KLRD1: variants seen among roughly 807,000 people sequenced by gnomAD.
KLRD1 encodes the protein natural killer cells antigen CD94.
In KLRD1, 21 loss-of-function variants were observed where a neutral mutation model predicts 22.6. The ratio of observed to expected loss-of-function variants is 0.93; its 90% CI spans 0.66 to 1.34. KLRD1 has a LOEUF of 1.34. KLRD1 is among the 40% of genes most tolerant of loss of function. The pLI, the probability that KLRD1 is intolerant of heterozygous loss-of-function variation, is 0.00. For missense variants in KLRD1, 183 were observed against 208.6 expected, an observed-to-expected ratio of 0.88 and a Z score of 0.76; for synonymous variants, 59 against 71.1, an observed-to-expected ratio of 0.83 and a Z score of 0.85.
At chr12:10,311,049 T>A (rs1950055761) in intron 3 of KLRD1, among the ~76,000 whole-genome samples, 1 of 152,172 alleles carries the variant, frequency 6.6e-6, no homozygotes, top group African/African-American at 2.4e-5. Context: ...TGCTAAAATG[T>A]TTTCCTCCTT....
chr12:10,267,505 CTG>C (rs1949511267), intron 1 of KLRD1, among the ~76,000 whole-genome samples: 3 of 152,130 alleles, frequency 2.0e-5, no homozygotes, highest in Non-Finnish European at 2.9e-5. Context: ...GACAAAGGCT[CTG>C]TTCTCATGAA....
At chr12:10,239,941 T>G (rs113607694) in intron 1 of KLRD1, among the ~76,000 whole-genome samples, 1 of 152,044 alleles carries the variant, frequency 6.6e-6, no homozygotes, top group African/African-American at 2.4e-5. Context: ...TTTTTCTCTT[T>G]CTTAAAACAT....
intron 4 of KLRD1, among the ~76,000 whole-genome samples, chr12:10,312,738 C>G (rs894258304): frequency 6.6e-6 from 1 of 151,192 alleles, no homozygotes; most frequent in East Asian, 2.0e-4. Flanking sequence ...ACCTGTAATC[C>G]CAGCACTTTG....
intron 1 of KLRD1, among the ~76,000 whole-genome samples, chr12:10,267,503 C>T (rs1339348593): frequency 6.6e-6 from 1 of 152,050 alleles, no homozygotes; most frequent in Non-Finnish European, 1.5e-5. Context: ...AAGACAAAGG[C>T]TCTGTTCTCA....
At chr12:10,247,579 C>T (rs1187113638) in intron 1 of KLRD1, among the ~76,000 whole-genome samples, 1 of 151,968 alleles carries the variant, frequency 6.6e-6, no homozygotes, top group Admixed American at 6.6e-5. Flanking sequence ...TTTCTTTAAT[C>T]TAATTTAGTG....
At chr12:10,253,509 A>G (rs1321369305) in intron 1 of KLRD1, among the ~76,000 whole-genome samples, 1 of 151,986 alleles carries the variant, frequency 6.6e-6, no homozygotes, top group Non-Finnish European at 1.5e-5. Context: ...AGATTATTTC[A>G]TCACTCAGGC....
At chr12:10,244,352 C>G (rs2137612088) in intron 1 of KLRD1, among the ~76,000 whole-genome samples, 1 of 152,264 alleles carries the variant, frequency 6.6e-6, no homozygotes, top group East Asian at 1.9e-4. Context: ...GGCTCAAGGA[C>G]TCACAAACTA....
At chr12:10,249,975 G>A (rs189243968) in intron 1 of KLRD1, among the ~76,000 whole-genome samples, 1 of 152,236 alleles carries the variant, frequency 6.6e-6, no homozygotes, top group Admixed American at 6.5e-5. Flanking sequence ...ACAAAGTGAG[G>A]AGTATAGTAG....
intron 1 of KLRD1, among the ~76,000 whole-genome samples, chr12:10,281,910 G>C (rs1949647520): frequency 6.6e-6 from 1 of 152,134 alleles, no homozygotes; most frequent in Non-Finnish European, 1.5e-5. Flanking sequence ...TTACACGGCA[G>C]TATTTGAATT....
chr12:10,288,907 GGTTA>G (rs1240164511), intron 1 of KLRD1, among the ~76,000 whole-genome samples: 1 of 152,188 alleles, frequency 6.6e-6, no homozygotes, highest in Non-Finnish European at 1.5e-5. Flanking sequence ...AAGGTGAGTT[GGTTA>G]GTCTGATAGA....
chr12:10,288,863 C>A (rs897812035), intron 1 of KLRD1, among the ~76,000 whole-genome samples: 2 of 152,080 alleles, frequency 1.3e-5, no homozygotes, highest in Non-Finnish European at 2.9e-5. Flanking sequence ...GTGTTTAATG[C>A]GTACCAAATG....
intron 1 of KLRD1, among the ~76,000 whole-genome samples, chr12:10,266,545 C>T (rs1360673082): frequency 6.6e-6 from 1 of 151,610 alleles, no homozygotes; most frequent in South Asian, 2.1e-4. Flanking sequence ...CTATTTTTTT[C>T]CTGGTCTGTT....
At chr12:10,240,614 C>T (rs938436454) in intron 1 of KLRD1, among the ~76,000 whole-genome samples, 12 of 151,740 alleles carry the variant, frequency 7.9e-5, no homozygotes, top group Admixed American at 6.6e-4. Flanking sequence ...TCAACTCACT[C>T]CCCAATCAAG....
intron 1 of KLRD1, chr12:10,308,557 G>T (rs530750991): frequency 6.3e-6 from 1 of 157,888 alleles, no homozygotes; most frequent in South Asian, 1.9e-4. Context: ...ATCTCCTAAT[G>T]TTGAAATGTT....
In KLRD1 at chr12:10,311,566, G is replaced by C; in HGVS notation, c.266G>C (p.Cys89Ser). 6.2e-7 allele frequency: 1 copy of C among 1,614,076 alleles called. No homozygotes were observed. The highest frequency in any genetic ancestry group is 8.5e-7 in the Non-Finnish European group (1 of 1,179,956). The change falls in exon 4 of 6, where the codon TGT (cysteine) becomes TCT (serine). Residue 89 changes from cysteine to serine, a missense_variant. Physicochemically the swap from Cys to Ser is moderately radical, Grantham distance 112. Coordinates refer to ENST00000336164, the MANE Select transcript of KLRD1 (RefSeq NM_002262.5). The part of the protein sequence containing the change: ...QKTWNESRHL[C>S]ASQKSSLLQL... ...ACTTGGAACGAAAGTCGGCATCTCTGTGCTTCTCAGAAATCCAGCCTGCTT... is the reference window on the plus strand; with the variant it reads ...ACTTGGAACGAAAGTCGGCATCTCTCTGCTTCTCAGAAATCCAGCCTGCTT...
rs963815860 is a variant in KLRD1, at chr12:10,274,033, A to C, written c.-100-33945A>C. On this transcript the variant is annotated intron_variant, in intron 1 of 5. Coordinates refer to the KLRD1 transcript ENST00000544747. ...CATGGTGGCTCATGCTTGTAATCCCAGCACTTTGGGAGGCCAAGGTGAGTG... is the reference window on the plus strand; with the variant it reads ...CATGGTGGCTCATGCTTGTAATCCCCGCACTTTGGGAGGCCAAGGTGAGTG... 1.5e-4 allele frequency among the ~76,000 whole-genome samples: 23 copies of C among 152,216 alleles called. 2 individuals carry two copies. The highest frequency in any genetic ancestry group is 1.2e-3 in the Admixed American group (19 of 15,282).
chr12:10,257,482 C>CTTTTTTTTTTTT (rs56871156), intron 1 of KLRD1, among the ~76,000 whole-genome samples: 3 of 97,390 alleles, frequency 3.1e-5, no homozygotes, highest in African/African-American at 1.2e-4. Flanking sequence ...GTAGCTGATT[C>CTTTTTTTTTTTT]TTTTTTTTTT....
chr12:10,308,175 G>A lies in KLRD1; in HGVS notation c.7+91G>A, dbSNP rs372569104. Reference sequence around the variant, plus strand: ...TTGGGGTAATGCTTTAAGAGAAAAGGACATGATTAACAGTGGATGTTTTTA... The same window carrying A: ...TTGGGGTAATGCTTTAAGAGAAAAGAACATGATTAACAGTGGATGTTTTTA... On this transcript the variant is annotated intron_variant, in intron 1 of 5. Transcript: ENST00000336164. The A allele has an allele frequency of 2.7e-6, 3 of 1,099,104 alleles. No homozygotes were observed. In the African/African-American group the frequency reaches 4.6e-5, roughly 17 times the overall value. 68.1% of individuals were successfully genotyped at this position (1,099,104 alleles called of 1,614,324 possible).
rs200069345 is a variant in KLRD1 at position 10,257,667 on chromosome 12, A to G, written c.-101+31434A>G. Among the ~76,000 whole-genome samples the G allele has an allele frequency of 4.7e-3, 594 of 126,434 alleles. 19 individuals carry two copies. In the East Asian group the frequency reaches 0.081, roughly 17 times the overall value. 82.9% of individuals were successfully genotyped at this position (126,434 alleles called of 152,430 possible). A position where few individuals can be genotyped will look rare whatever the true frequency, so the allele number is the denominator to read the frequency against. ...TGTTTTTTTCTTTAACTTTTTGAGC[A>G]TATTTAGTACAGTTATTTTGAAGTC... On this transcript the variant is annotated intron_variant, in intron 1 of 5. Coordinates refer to the KLRD1 transcript ENST00000544747.
Sources: allele counts gnomAD v4.1 joint callset (sites outside exome capture counted in the v4.1 genomes callset), GRCh38; gene constraint gnomAD v4.1.1; transcripts MANE v1.5; gene names NCBI Gene and HGNC (gene_info 2026-07-23, HGNC 2026-07-21).